Variants in PCDHGB5 observed in about 807,000 individuals in gnomAD.
PCDHGB5 encodes protocadherin gamma subfamily B, 5.
A neutral mutation model predicts 62.9 loss-of-function variants in PCDHGB5; 48 were observed. The observed-to-expected ratio is 0.76, with a 90% CI of 0.61 to 0.97. The LOEUF (loss-of-function observed/expected upper bound fraction) is 0.97. Among genes scored for constraint, PCDHGB5 ranks in the 50% least tolerant of loss-of-function variants. The pLI, the probability that PCDHGB5 is intolerant of heterozygous loss-of-function variation, is 0.00. For missense variants in PCDHGB5, 1,118 were observed against 1,198.6 expected (o/e 0.93, Z 0.99); for synonymous variants, 474 against 511.2 (o/e 0.93, Z 0.98).
intron 1 of PCDHGB5, chr5:141,422,556 G>A: frequency 6.2e-7 from 1 of 1,613,908 alleles, no homozygotes; most frequent in Non-Finnish European, 8.5e-7. Flanking sequence ...GGCTGAATGT[G>A]GCAGATGACA....
chr5:141,434,877 C>A (rs1266355299), intron 1 of PCDHGB5, among the ~76,000 whole-genome samples: 1 of 151,612 alleles, frequency 6.6e-6, no homozygotes, highest in Non-Finnish European at 1.5e-5. Flanking sequence ...TGACAGATAC[C>A]AACAACAATC....
chr5:141,489,597 A>T lies in PCDHGB5; in HGVS notation c.2398-5210A>T. The T allele has an allele frequency of 6.2e-7, 1 of 1,614,100 alleles. No individual in the cohort carries two copies. Among genetic ancestry groups the T allele is most frequent in the African/African-American group, 1.3e-5 (1 of 75,040 alleles). ...AACACCCCCTGGAGCTAATCCGTGT[A>T]GAGGTAGAGATCCTGGATCTCAATG... On this transcript the variant is annotated intron_variant, in intron 1 of 3. Transcript: ENST00000617380. The surrounding 1 kb of genome is among the most constrained non-coding windows in gnomAD (Gnocchi z 4.5).
intron 1 of PCDHGB5, chr5:141,417,651 A>C: frequency 1.2e-6 from 1 of 822,038 alleles, no homozygotes; most frequent in African/African-American, 1.7e-5. Context: ...CTCAGCCTCT[A>C]GCCTGGGATT....
At chr5:141,442,403 G>A (rs1042068651) in intron 1 of PCDHGB5, 2 of 152,168 alleles carry the variant, frequency 1.3e-5, no homozygotes, top group African/African-American at 4.8e-5. Context: ...TACGAATCCA[G>A]GGCTGAGTGA....
Position 141,478,316 on chromosome 5 carries a change from C to T in PCDHGB5, c.2398-16491C>T, listed in dbSNP as rs776948755. ...CCTATACCGAGCCCCGGTGAGCTCA[C>T]TGTACCGAACACCAGGGCCCTCCTT... On this transcript the variant is annotated intron_variant, in intron 1 of 3. Coordinates refer to ENST00000617380, the MANE Select transcript of PCDHGB5 (RefSeq NM_018925.3). 120 of 1,613,924 alleles carry T rather than the reference C, an allele frequency of 7.4e-5. 2 individuals carry two copies. In the South Asian group the frequency reaches 1.3e-3, roughly 18 times the overall value.
rs375404779 is a variant in PCDHGB5 at position 141,419,760 on chromosome 5, A to T, written c.2397+19236A>T. 11 of 1,613,876 alleles carry T rather than the reference A, an allele frequency of 6.8e-6. No homozygotes were observed. The highest frequency in any genetic ancestry group is 9.3e-6 in the Non-Finnish European group (11 of 1,179,904). On this transcript the variant is annotated intron_variant, in intron 1 of 3. Coordinates refer to ENST00000617380, the MANE Select transcript of PCDHGB5 (RefSeq NM_018925.3). ...GTGCGCATGGTGCGTGCTTTGGGTG[A>T]CAAGGACTCGGTCCGCCAGCGCCTG...
chr5:141,415,756 T>C, intron 1 of PCDHGB5: 2 of 1,387,344 alleles, frequency 1.4e-6, no homozygotes, highest in Non-Finnish European at 1.9e-6. Flanking sequence ...TTTTTTTTTT[T>C]TTTTTTTTTT....
intron 2 of PCDHGB5, among the ~76,000 whole-genome samples, chr5:141,495,644 A>G (rs767670166): frequency 5.3e-5 from 8 of 151,770 alleles, no homozygotes; most frequent in Non-Finnish European, 1.0e-4. Context: ...TCATTTGTCT[A>G]CTTGCATTGA....
intron 1 of PCDHGB5, chr5:141,427,746 T>A: frequency 7.9e-7 from 1 of 1,272,038 alleles, no homozygotes; most frequent in African/African-American, 1.5e-5. Flanking sequence ...AGTCTCCTAC[T>A]CCATCGTTAC....
chr5:141,458,575 G>A (rs1337776166), intron 1 of PCDHGB5, among the ~76,000 whole-genome samples: 1 of 151,346 alleles, frequency 6.6e-6, no homozygotes, highest in Non-Finnish European at 1.5e-5. Context: ...GTTTTTGTTT[G>A]TTTGTTTGTT....
chr5:141,408,309 C>G, intron 1 of PCDHGB5: 1 of 1,613,816 alleles, frequency 6.2e-7, no homozygotes, highest in South Asian at 1.1e-5. Context: ...ATCCGCTACT[C>G]GATTCCGGAG....
chr5:141,491,513 A>C lies in PCDHGB5; in HGVS notation c.2398-3294A>C, dbSNP rs1163218369. On this transcript the variant is annotated intron_variant, in intron 1 of 3. Coordinates refer to ENST00000617380, the MANE Select transcript of PCDHGB5 (RefSeq NM_018925.3). The surrounding 1 kb of genome is among the most constrained non-coding windows in gnomAD (Gnocchi z 6.9). ...CAGGTGAGCTCGGACGGCACGCTCAAGTACATGGAGGTGACGCTGCGGCCC... is the reference window on the plus strand; with the variant it reads ...CAGGTGAGCTCGGACGGCACGCTCACGTACATGGAGGTGACGCTGCGGCCC... The C allele has an allele frequency of 6.2e-7, 1 of 1,613,934 alleles. No individual in the cohort carries two copies. Among genetic ancestry groups the C allele is most frequent in the East Asian group, 2.2e-5 (1 of 44,888 alleles).
rs972633773 is a variant in PCDHGB5, at chr5:141,489,751, A to T, written c.2398-5056A>T. ...GGGCACCAATACTGTGAGCTTTTAC[A>T]CTCTAAGCCCCAACAGCCACTTCTC... On this transcript the variant is annotated intron_variant, in intron 1 of 3. Coordinates refer to ENST00000617380, the MANE Select transcript of PCDHGB5 (RefSeq NM_018925.3). The surrounding 1 kb of genome is among the most constrained non-coding windows in gnomAD (Gnocchi z 4.5). The T allele has an allele frequency of 1.9e-6, 3 of 1,613,740 alleles. No individual in the cohort carries two copies. Among genetic ancestry groups the T allele is most frequent in the African/African-American group, 2.7e-5 (2 of 74,840 alleles).
intron 1 of PCDHGB5, chr5:141,410,748 C>T (rs569108587): frequency 8.8e-6 from 11 of 1,245,288 alleles, no homozygotes; most frequent in Admixed American, 5.8e-5. Flanking sequence ...AATATTTTCT[C>T]AATGTTTTTT....
chr5:141,444,281 C>T (rs1256106299), intron 1 of PCDHGB5, among the ~76,000 whole-genome samples: 1 of 146,976 alleles, frequency 6.8e-6, no homozygotes, highest in African/African-American at 2.5e-5. Context: ...AAGTGATTCT[C>T]CTGCCTCAGC....
At chr5:141,456,148 C>T (rs1408257938) in intron 1 of PCDHGB5, among the ~76,000 whole-genome samples, 13 of 152,078 alleles carry the variant, frequency 8.5e-5, no homozygotes, top group African/African-American at 3.1e-4. Flanking sequence ...CCGCCCGCCT[C>T]GGCCTCCTAA....
rs115237553 is a variant in PCDHGB5, at chr5:141,476,478, T to A, written c.2398-18329T>A. 1.3e-4 allele frequency: 203 copies of A among 1,613,844 alleles called. 2 individuals are homozygous for A. The African/African-American group carries it at 2.5e-3, about 20-fold the overall frequency. Reference sequence around the variant, plus strand: ...GAGAACCCGCTGGAGCTGTTCAGCGTGGAAGTGGTGATCCAGGACATCAAC... The same window carrying A: ...GAGAACCCGCTGGAGCTGTTCAGCGAGGAAGTGGTGATCCAGGACATCAAC... On this transcript the variant is annotated intron_variant, in intron 1 of 3. Transcript: ENST00000617380. The surrounding 1 kb of genome is among the most constrained non-coding windows in gnomAD (Gnocchi z 7.6).
intron 3 of PCDHGB5, among the ~76,000 whole-genome samples, chr5:141,506,349 T>A (rs894933059): frequency 8.0e-5 from 12 of 150,304 alleles, no homozygotes; most frequent in Admixed American, 2.7e-4. Context: ...CTTGGGAGGC[T>A]GAGGCAGGAG....
chr5:141,426,960 A>G, intron 1 of PCDHGB5: 1 of 456,776 alleles, frequency 2.2e-6, no homozygotes, highest in South Asian at 1.5e-5. Context: ...CACTGCTGCA[A>G]TTCAAATTGA....
Sources: gnomAD v4.1 joint callset for allele counts (sites outside exome capture counted in the v4.1 genomes callset) on GRCh38, gnomAD v4.1.1 for gene constraint, Gnocchi (gnomAD v3.1) non-coding constraint, MANE v1.5 for transcripts, NCBI Gene and HGNC (gene_info 2026-07-23, HGNC 2026-07-21) for gene names.